NBPF8: variants seen among roughly 807,000 people sequenced by gnomAD.
NBPF8 encodes NBPF member 8.
chr1:120,457,727 T>TAA (rs1296846675), intron 16 of NBPF8, among the ~76,000 whole-genome samples: 1,706 of 53,174 alleles, frequency 0.032, 49 homozygotes, highest in Non-Finnish European at 0.037. Flanking sequence ...CTTAAAGTAT[T>TAA]AAAAAAAAAA....
rs1356881190 is a variant in NBPF8 at position 120,455,967 on chromosome 1, T to C, written n.2620+507T>C. ...GTGTCCCAGAGATTCTGGTATGTTG[T>C]GTCTTTTTTCTCATTGGTTTCAAAG... On this transcript the variant is annotated intron_variant and non_coding_transcript_variant, in intron 16 of 24. Transcript: ENST00000583271. 1.8e-3 allele frequency among the ~76,000 whole-genome samples: 272 copies of C among 152,238 alleles called. 2 individuals are homozygous for C. The highest frequency in any genetic ancestry group is 6.3e-3 in the African/African-American group (262 of 41,502).
chr1:120,432,549 A>G (rs1660909189), upstream of NBPF8: 1 of 151,152 alleles, frequency 6.6e-6, no homozygotes, highest in Non-Finnish European at 1.5e-5. Flanking sequence ...AAGTGAAAGT[A>G]CAAACATACA....
intron 11 of NBPF8, among the ~76,000 whole-genome samples, chr1:120,449,857 C>T (rs2101672679): frequency 6.6e-6 from 1 of 152,138 alleles, no homozygotes; most frequent in East Asian, 1.9e-4. Flanking sequence ...GTGATAGTAG[C>T]CAGTACCTGC....
At chr1:120,450,711 A>T (rs1224462761) in intron 11 of NBPF8, among the ~76,000 whole-genome samples, 5 of 152,322 alleles carry the variant, frequency 3.3e-5, no homozygotes, top group African/African-American at 1.2e-4. Flanking sequence ...GATATGATTT[A>T]AAAATCAAAG....
intron 21 of NBPF8, 33 bp downstream of exon 19, chr1:120,462,999 C>T (rs1236862220): frequency 2.3e-4 from 132 of 586,230 alleles, no homozygotes; most frequent in Non-Finnish European, 3.5e-4. Flanking sequence ...GATAAGCCTC[C>T]ACCTGGTCTT....
chr1:120,430,608 G>C (rs1249177867), intron 3 of NBPF8, among the ~76,000 whole-genome samples: 18 of 144,726 alleles, frequency 1.2e-4, no homozygotes, highest in South Asian at 1.1e-3. Flanking sequence ...CAAAAAATTA[G>C]CTAGGCGTGG....
At position 120,427,863 on chromosome 1, in the gene NBPF8, CAGAG is replaced by C. The variant is rs1287664404; in HGVS notation, n.510+19_510+22del. Among the ~76,000 whole-genome samples, 1 of 148,768 alleles carries C rather than the reference CAGAG, an allele frequency of 6.7e-6. No individual in the cohort carries two copies. Among genetic ancestry groups the C allele is most frequent in the Non-Finnish European group, 1.5e-5 (1 of 67,102 alleles). On this transcript the variant is annotated intron_variant and non_coding_transcript_variant, in intron 3 of 28. Coordinates refer to the NBPF8 transcript ENST00000652355. ...ATGGATCAAGGTGCGTACTCAAACACAGAGAGCTTTCTGAAAGATGCTACCAGTA... is the reference window on the plus strand; with the variant it reads ...ATGGATCAAGGTGCGTACTCAAACACAGCTTTCTGAAAGATGCTACCAGTA...
At chr1:120,425,108 A>G (rs1660679232) in intron 1 of NBPF8, among the ~76,000 whole-genome samples, 2 of 151,568 alleles carry the variant, frequency 1.3e-5, no homozygotes, top group Non-Finnish European at 2.9e-5. Flanking sequence ...TCCCCATGTG[A>G]TAGTCTGAAA....
chr1:120,455,062 C>T (rs1177179919), intron 15 of NBPF8, among the ~76,000 whole-genome samples: 1 of 148,026 alleles, frequency 6.8e-6, no homozygotes, highest in Non-Finnish European at 1.5e-5. Flanking sequence ...CATTTAATGT[C>T]CATGTTACCT....
At chr1:120,455,231 A>G (rs1661402540) in intron 15 of NBPF8, among the ~76,000 whole-genome samples, 178 bp from the exon 14 acceptor site, 1 of 152,086 alleles carries the variant, frequency 6.6e-6, no homozygotes, top group African/African-American at 2.4e-5. Flanking sequence ...TGGGTCTGGA[A>G]AGCAGGGTCA....
intron 18 of NBPF8, among the ~76,000 whole-genome samples, chr1:120,461,016 C>CTGTA (rs1661571862): frequency 7.6e-6 from 1 of 131,208 alleles, no homozygotes; most frequent in Non-Finnish European, 1.6e-5. Flanking sequence ...TGAGCTCGAA[C>CTGTA]TGTGTGTGTG....
rs1553248909 is a variant in NBPF8, at chr1:120,452,074, C to G, written n.2075-43C>G. 25 of 1,425,804 alleles carry G rather than the reference C, an allele frequency of 1.8e-5. No homozygotes were observed. In the East Asian group the frequency reaches 4.6e-4, roughly 26 times the overall value. 88.3% of individuals were successfully genotyped at this position (1,425,804 alleles called of 1,614,324 possible). A position where few individuals can be genotyped will look rare whatever the true frequency, so the allele number is the denominator to read the frequency against. On this transcript the variant is annotated intron_variant and non_coding_transcript_variant, in intron 12 of 24. Transcript: ENST00000583271. ...TGTTGCAATATTTGAGCGGATCACTCAACCCTTTCCACTCTTAAATTTTCT... is the reference window on the plus strand; with the variant it reads ...TGTTGCAATATTTGAGCGGATCACTGAACCCTTTCCACTCTTAAATTTTCT...
At chr1:120,453,010 ATT>A (rs1389829133) in intron 13 of NBPF8, among the ~76,000 whole-genome samples, 2 of 150,842 alleles carry the variant, frequency 1.3e-5, no homozygotes, top group Non-Finnish European at 3.0e-5. Context: ...AAGAGAAAGA[ATT>A]AGGTTTGAAA....
At chr1:120,424,686 G>T (rs1660663257) in intron 1 of NBPF8, among the ~76,000 whole-genome samples, 1 of 147,262 alleles carries the variant, frequency 6.8e-6, no homozygotes, top group Admixed American at 6.8e-5. Flanking sequence ...GACCTCAAGT[G>T]ATCCACCTGC....
chr1:120,420,042 TA>T lies in NBPF8; in HGVS notation n.194del, dbSNP rs1660530107. On this transcript the variant is annotated non_coding_transcript_exon_variant, in exon 1 of 29. The change creates a premature stop within an existing upstream ORF in the 5' untranslated region. Transcript: ENST00000652355. ...CAGTGGACTCTCCGAGGTACTGATG[TA>T]GAAACTTCCCCATTCGGTGCACCAA... Among the ~76,000 whole-genome samples, 1 of 110,110 alleles carries T rather than the reference TA, an allele frequency of 9.1e-6. No individual in the cohort carries two copies. The highest frequency in any genetic ancestry group is 1.8e-5 in the Non-Finnish European group (1 of 55,536). 72.2% of individuals were successfully genotyped at this position (110,110 alleles called of 152,430 possible). A position where few individuals can be genotyped will look rare whatever the true frequency, so the allele number is the denominator to read the frequency against.
intron 3 of NBPF8, among the ~76,000 whole-genome samples, chr1:120,431,259 G>A (rs1660865300): frequency 1.6e-5 from 2 of 125,872 alleles, no homozygotes; most frequent in East Asian, 2.7e-4. Context: ...AAACGTGTGT[G>A]TGTGTGTGTG....
intron 17 of NBPF8, among the ~76,000 whole-genome samples, chr1:120,460,240 C>CT (rs1232288348): frequency 2.0e-5 from 3 of 152,112 alleles, no homozygotes; most frequent in Admixed American, 6.6e-5. Flanking sequence ...TGAGAGAAAG[C>CT]TTAATATTGA....
chr1:120,430,966 G>A (rs1277137630), intron 3 of NBPF8, among the ~76,000 whole-genome samples: 2 of 151,070 alleles, frequency 1.3e-5, no homozygotes, highest in Middle Eastern at 3.4e-3. Context: ...AATTCCAACC[G>A]GCATTTTGGT....
At chr1:120,435,686 C>CA (rs1246773308), upstream of NBPF8, among the ~76,000 whole-genome samples, 2 of 149,144 alleles carry the variant, frequency 1.3e-5, no homozygotes, top group Non-Finnish European at 3.0e-5. Flanking sequence ...ACTAAAAATA[C>CA]AAAAAAAGAA....
Sources: gnomAD v4.1 joint callset for allele counts (sites outside exome capture counted in the v4.1 genomes callset) on GRCh38, gnomAD v4.1.1 for gene constraint, MANE v1.5 for transcripts, NCBI Gene and HGNC (gene_info 2026-07-23, HGNC 2026-07-21) for gene names.